KCP: variants seen among roughly 807,000 people sequenced by gnomAD.
KCP encodes kielin/chordin-like protein.
KCP carries 194 observed loss-of-function variants against 212.7 expected under a neutral mutation model. That is an observed-to-expected ratio of 0.91 (90% confidence interval 0.81 to 1.03). The LOEUF is 1.03. KCP is among the 50% of genes least tolerant of loss of function. The pLI, the probability that KCP is intolerant of heterozygous loss-of-function variation, is 0.00. For missense variants in KCP, 2,080 were observed against 2,162.5 expected (o/e 0.96, Z 0.76); for synonymous variants, 833 against 865.3 (o/e 0.96, Z 0.65).
intron 1 of KCP, among the ~76,000 whole-genome samples, chr7:128,909,409 A>AG (rs1795315201): frequency 6.6e-6 from 1 of 152,200 alleles, no homozygotes; most frequent in African/African-American, 2.4e-5. Context: ...CCTGTGAGAC[A>AG]GGGGAACAAT....
At chr7:128,903,938 G>C (rs1794990860) in intron 6 of KCP, 118 bp from the exon 7 acceptor site, 1 of 1,350,118 alleles carries the variant, frequency 7.4e-7, no homozygotes, top group Non-Finnish European at 1.0e-6. Context: ...GGAGAACCTA[G>C]CTGGCTCCAC....
intron 1 of KCP, among the ~76,000 whole-genome samples, chr7:128,909,279 G>C (rs763927015): frequency 1.3e-5 from 2 of 152,142 alleles, no homozygotes; most frequent in African/African-American, 2.4e-5. Context: ...TGAGGGTCTG[G>C]AGCGGAGGCA....
chr7:128,886,491 G>A lies in KCP; in HGVS notation c.2839C>T (p.Arg947Trp), dbSNP rs779745603. 13 of 1,550,090 alleles carry A rather than the reference G, an allele frequency of 8.4e-6. No individual in the cohort carries two copies. Among genetic ancestry groups the A allele is most frequent in the South Asian group, 6.0e-5 (5 of 84,030 alleles). The change falls in exon 26 of 40, where the codon CGG becomes TGG. Residue 947 changes from arginine to tryptophan, a missense_variant. Transcript: ENST00000610776. ...CTGCAGCGAGGGCAGCAGCTCCCCC[G>A]CTCGGTGACCTGGAGCTTGCAGGGA... ...PLPCKLQVTE[R>W]GSCCPRCRGC...
intron 2 of KCP, 87 bp downstream of exon 2, chr7:128,908,339 T>TC (rs1251823918): frequency 9.5e-6 from 12 of 1,267,506 alleles, no homozygotes; most frequent in African/African-American, 6.2e-5. Flanking sequence ...TATTTTAGGC[T>TC]CCCCCCTCCA....
Position 128,910,687 on chromosome 7 carries a change from CCT to C in KCP, c.-13_-12del. ...CCCGACCCCGGCCATGCTAGCTCCG[CCT>C]CGCTCGGCTCGCCGTCTGTCGTCGC... On this transcript the variant is annotated 5_prime_UTR_variant, in exon 1 of 40. Transcript: ENST00000610776. 1 of 1,488,050 alleles carries C rather than the reference CCT, an allele frequency of 6.7e-7. No individual in the cohort carries two copies. Among genetic ancestry groups the C allele is most frequent in the South Asian group, 1.3e-5 (1 of 78,592 alleles). The allele number at this position is 1,488,050 out of a possible 1,614,324, so 92.2% of individuals were successfully genotyped here.
At chr7:128,910,525 G>A in intron 1 of KCP, 76 bp downstream of exon 1, 2 of 1,334,222 alleles carry the variant, frequency 1.5e-6, no homozygotes, top group Non-Finnish European at 2.0e-6. Flanking sequence ...AGCCCCTCTC[G>A]GCCCCCTCAG....
chr7:128,894,342 A>G (rs777600499), intron 8 of KCP, 49 bp from the exon 9 acceptor site: 1 of 1,386,318 alleles, frequency 7.2e-7, no homozygotes, highest in Non-Finnish European at 9.7e-7. Context: ...CTCAACTGAG[A>G]GGTGGAAATG....
rs747458115 is a variant in KCP at position 128,888,938 on chromosome 7, C to T, written c.2437G>A (p.Gly813Ser). The change falls in exon 22 of 40, where the codon GGC becomes AGC. Residue 813 changes from glycine to serine, a missense_variant. Transcript: ENST00000610776. ...CTCLGGFVTC[G>S]RRPCEPPGCS... ...CCCGGAGGCTCACAGGGCCGGCGGC[C>T]GCAGGTCACGAAGCCTCCAAGACAG... The T allele has an allele frequency of 7.1e-6, 11 of 1,549,336 alleles. No individual in the cohort carries two copies. In the Admixed American group the frequency reaches 7.9e-5, roughly 11 times the overall value.
chr7:128,891,245 C>T lies in KCP; in HGVS notation c.1912G>A (p.Val638Met), dbSNP rs1449491167. ...ACAGGCTCTGGACAGGGCAGCGGCA[C>T]GCAGCGGCGGGCCAGGCACTGCACG... is the stretch of plus-strand genomic sequence containing the variant. ...GNVQCLARRCVPLPCPEPVLL... is the reference protein window; with the variant it reads ...GNVQCLARRCMPLPCPEPVLL... Residue 638 changes from valine (V) to methionine (M), a missense_variant, in exon 19 of 40, where the codon GTG becomes ATG. Transcript: ENST00000610776. 7 of 1,547,004 alleles carry T rather than the reference C, an allele frequency of 4.5e-6. No individual in the cohort carries two copies. In the South Asian group the frequency reaches 4.8e-5, roughly 11 times the overall value.
Position 128,886,640 on chromosome 7 carries a change from C to A in KCP, c.2772+15G>T, listed in dbSNP as rs754561590. ...GGTCCAGCTGTCACTCCACACCCCC[C>A]ACCTCCTGCTATACCTGACAGCGAC... On this transcript the variant is annotated intron_variant, in intron 25 of 39. Transcript: ENST00000610776. The A allele has an allele frequency of 6.4e-7, 1 of 1,551,322 alleles. No homozygotes were observed. Among genetic ancestry groups the A allele is most frequent in the Admixed American group, 2.0e-5 (1 of 50,972 alleles).
rs373434673 is a variant in KCP, at chr7:128,888,227, TACAC to T, written c.2512+632_2512+635del. The stretch of plus-strand genomic sequence containing the variant: ...ACAGATACACAGCCACACACACAGA[TACAC>T]AGACACACATACGGTCACACACACA... On this transcript the variant is annotated intron_variant, in intron 22 of 39. Transcript: ENST00000610776. 3.9e-3 allele frequency among the ~76,000 whole-genome samples: 510 copies of T among 131,908 alleles called. 4 individuals carry two copies. The highest frequency in any genetic ancestry group is 0.014 in the African/African-American group (491 of 34,364). The allele number at this position is 131,908 out of a possible 152,430, so 86.5% of individuals were successfully genotyped here. A position where few individuals can be genotyped will look rare whatever the true frequency, so the allele number is the denominator to read the frequency against.
At chr7:128,885,497 C>T (rs752056379) in intron 26 of KCP, among the ~76,000 whole-genome samples, 8 of 152,198 alleles carry the variant, frequency 5.3e-5, no homozygotes, top group Non-Finnish European at 7.3e-5. Flanking sequence ...TACCTGCTCT[C>T]AAGACCAAGC....
intron 38 of KCP, 101 bp from the exon 39 acceptor site, chr7:128,877,891 C>T (rs771569781): frequency 3.0e-5 from 31 of 1,026,082 alleles, no homozygotes; most frequent in Non-Finnish European, 3.6e-5. Context: ...TTGCTTTAGT[C>T]CCCAAAACCT....
intron 8 of KCP, among the ~76,000 whole-genome samples, chr7:128,895,211 A>G (rs762373844): frequency 6.6e-6 from 1 of 152,206 alleles, no homozygotes; most frequent in Admixed American, 6.5e-5. Flanking sequence ...ATACAGATAC[A>G]TAAACTAGCA....
At chr7:128,881,530 A>C in intron 31 of KCP, 96 bp downstream of exon 31, 2 of 805,516 alleles carry the variant, frequency 2.5e-6, no homozygotes, top group Non-Finnish European at 3.7e-6. Context: ...AACCGAGTAC[A>C]AACCCTGGGC....
Position 128,883,884 on chromosome 7 carries a change from G to A in KCP, c.3244+118C>T. On this transcript the variant is annotated intron_variant, in intron 29 of 39. Coordinates refer to ENST00000610776, the MANE Select transcript of KCP (RefSeq NM_001366122.1). Reference sequence around the variant, plus strand: ...GCAGCCCTCGCCGGCCAGGCATAGGGTTCCAGAACAGTCCACTGGAGTCAG... The same window carrying A: ...GCAGCCCTCGCCGGCCAGGCATAGGATTCCAGAACAGTCCACTGGAGTCAG... The A allele has an allele frequency of 3.1e-6, 4 of 1,293,626 alleles. No individual in the cohort carries two copies. The South Asian group carries it at 6.3e-5, about 20-fold the overall frequency. 80.1% of individuals were successfully genotyped at this position (1,293,626 alleles called of 1,614,324 possible).
rs759639910 is a variant in KCP, at chr7:128,886,583, T to C, written c.2773-26A>G. The C allele has an allele frequency of 2.1e-5, 33 of 1,550,962 alleles. No homozygotes were observed. In the South Asian group the frequency reaches 3.1e-4, roughly 15 times the overall value. On this transcript the variant is annotated intron_variant, in intron 25 of 39. Coordinates refer to ENST00000610776, the MANE Select transcript of KCP (RefSeq NM_001366122.1). ...CTGTAGGAGATGCAGGGACACTGGCTCGCTGCCTAGGCTGGGGCCCAGAGG... is the reference window on the plus strand; with the variant it reads ...CTGTAGGAGATGCAGGGACACTGGCCCGCTGCCTAGGCTGGGGCCCAGAGG...
chr7:128,890,878 C>T (rs1264936195), intron 20 of KCP, 27 bp downstream of exon 20: 2 of 1,245,782 alleles, frequency 1.6e-6, no homozygotes, highest in Admixed American at 4.1e-5. Context: ...ACGCGGGTGG[C>T]CGGGAGGGGC....
At position 128,890,910 on chromosome 7, in the gene KCP, C is replaced by A. The variant is rs1018633158; in HGVS notation, c.2159G>T (p.Cys720Phe). ...GGGCACCGCCAGGGCGTTACCGTCGCAGGAGGGGCAGCAAGGCCCCTGGCG... is the reference window on the plus strand; with the variant it reads ...GGGCACCGCCAGGGCGTTACCGTCGAAGGAGGGGCAGCAAGGCCCCTGGCG... ...HPRQGPCCPSCDGCLYQGKEF... is the reference protein window; with the variant it reads ...HPRQGPCCPSFDGCLYQGKEF... The change falls in exon 20 of 40, where the codon TGC (cysteine) becomes TTC (phenylalanine). Residue 720 changes from cysteine (C) to phenylalanine (F), a missense_variant. By Grantham distance (205) the Cys-to-Phe change is radical. Transcript: ENST00000610776. 7.2e-6 allele frequency: 9 copies of A among 1,246,056 alleles called. No individual in the cohort carries two copies. The African/African-American group carries it at 1.4e-4, about 19-fold the overall frequency. 77.2% of individuals were successfully genotyped at this position (1,246,056 alleles called of 1,614,324 possible).
Sources: gnomAD v4.1 joint callset for allele counts (sites outside exome capture counted in the v4.1 genomes callset) on GRCh38, gnomAD v4.1.1 for gene constraint, MANE v1.5 for transcripts, NCBI Gene and HGNC (gene_info 2026-07-23, HGNC 2026-07-21) for gene names.